The following ABTB2 variants were observed in gnomAD, a reference collection of about 807,000 sequenced individuals.
ABTB2 encodes the protein ankyrin repeat and BTB/POZ domain-containing protein 2.
In ABTB2, 56 loss-of-function variants were observed where a neutral mutation model predicts 104.1. The ratio of observed to expected loss-of-function variants is 0.54; its 90% CI spans 0.43 to 0.67. ABTB2 has a LOEUF of 0.67. Ranked by LOEUF, ABTB2 falls within the 30% of genes least tolerant of loss-of-function variation. The pLI, the probability that ABTB2 is intolerant of heterozygous loss-of-function variation, is 0.00. For missense variants in ABTB2, 1,279 were observed against 1,407.7 expected, an observed-to-expected ratio of 0.91 and a Z score of 1.46; for synonymous variants, 606 against 608.2, an observed-to-expected ratio of 1.00 and a Z score of 0.05.
intron 1 of ABTB2, among the ~76,000 whole-genome samples, chr11:34,224,423 G>A (rs555773862): frequency 3.9e-5 from 6 of 152,258 alleles, no homozygotes; most frequent in South Asian, 2.1e-4. Context: ...GATTACAGGC[G>A]TGGTGTACCC....
At chr11:34,317,565 G>A (rs991762432) in intron 1 of ABTB2, among the ~76,000 whole-genome samples, 7 of 151,974 alleles carry the variant, frequency 4.6e-5, no homozygotes, top group African/African-American at 1.7e-4. Flanking sequence ...TTCAGTATAG[G>A]AGTTCAAGAC....
At chr11:34,152,692 C>T (rs551709563) in intron 16 of ABTB2, 108 bp from the exon 17 acceptor site, 52 of 1,140,114 alleles carry the variant, frequency 4.6e-5, no homozygotes, top group Middle Eastern at 5.2e-4. Context: ...TTAAGCCCCA[C>T]TCTGGCCAGG....
intron 1 of ABTB2, among the ~76,000 whole-genome samples, chr11:34,328,320 A>C (rs1855093647): frequency 1.3e-5 from 2 of 152,186 alleles, no homozygotes; most frequent in South Asian, 4.1e-4. Context: ...CTGCAATGAC[A>C]GTCTCTATCC....
chr11:34,283,760 C>T (rs1854474030), intron 1 of ABTB2, among the ~76,000 whole-genome samples: 1 of 152,126 alleles, frequency 6.6e-6, no homozygotes. Context: ...CAAAATATTT[C>T]CCCAAGAATA....
intron 1 of ABTB2, among the ~76,000 whole-genome samples, chr11:34,272,582 CT>C (rs1854329592): frequency 6.6e-6 from 1 of 151,628 alleles, no homozygotes; most frequent in East Asian, 1.9e-4. Flanking sequence ...TGGCGGGCAC[CT>C]GTAGTCCCAG....
Position 34,357,642 on chromosome 11 carries a change from T to C in ABTB2, c.-59A>G. ...GGGGCACTCACAACTCCATGCCCTC[T>C]TTCCCAAGTGGGCAGAAACAAGCTC... On this transcript the variant is annotated 5_prime_UTR_variant, in exon 1 of 17. Coordinates refer to ENST00000435224, the MANE Select transcript of ABTB2 (RefSeq NM_145804.3). The C allele has an allele frequency of 1.4e-6, 2 of 1,433,670 alleles. No homozygotes were observed. The highest frequency in any genetic ancestry group is 1.8e-6 in the Non-Finnish European group (2 of 1,091,224). 88.8% of individuals were successfully genotyped at this position (1,433,670 alleles called of 1,614,324 possible).
In ABTB2 at chr11:34,230,171, T is replaced by C. The variant is rs548946370; in HGVS notation, c.884-25481A>G. ...GCAAACACACCCTACCTCTTTACAG[T>C]TCCCTGTGATGACTGCTGTGATCAG... On this transcript the variant is annotated intron_variant, in intron 1 of 16. Coordinates refer to ENST00000435224, the MANE Select transcript of ABTB2 (RefSeq NM_145804.3). 2.0e-5 allele frequency among the ~76,000 whole-genome samples: 3 copies of C among 152,322 alleles called. No individual in the cohort carries two copies. In the South Asian group the frequency reaches 6.2e-4, roughly 32 times the overall value.
At chr11:34,297,053 G>A (rs771972032) in intron 1 of ABTB2, among the ~76,000 whole-genome samples, 6 of 152,182 alleles carry the variant, frequency 3.9e-5, no homozygotes, top group Non-Finnish European at 7.3e-5. Flanking sequence ...TACATACAGT[G>A]TAGCCAGAAA....
intron 1 of ABTB2, among the ~76,000 whole-genome samples, chr11:34,235,044 G>A (rs1445843551): frequency 1.3e-5 from 2 of 151,994 alleles, no homozygotes; most frequent in Non-Finnish European, 2.9e-5. Context: ...TGTATTTTTA[G>A]TAGAGATGGG....
At chr11:34,218,905 AAGATG>A (rs1232126679) in intron 1 of ABTB2, among the ~76,000 whole-genome samples, 1 of 151,596 alleles carries the variant, frequency 6.6e-6, no homozygotes, top group East Asian at 1.9e-4. Context: ...TTCCTCTGTC[AAGATG>A]AGTTGACTAT....
chr11:34,333,032 G>C (rs1017642954), intron 1 of ABTB2, among the ~76,000 whole-genome samples: 2 of 152,170 alleles, frequency 1.3e-5, no homozygotes, highest in African/African-American at 4.8e-5. Flanking sequence ...TAAGCATCAA[G>C]GGTTTTACAA....
intron 1 of ABTB2, among the ~76,000 whole-genome samples, chr11:34,337,555 A>G (rs771696881): frequency 2.0e-5 from 3 of 152,234 alleles, no homozygotes; most frequent in African/African-American, 4.8e-5. Flanking sequence ...GAAGTCTGAC[A>G]GTACTAATCT....
At chr11:34,211,565 C>T (rs1209772755) in intron 1 of ABTB2, among the ~76,000 whole-genome samples, 1 of 151,942 alleles carries the variant, frequency 6.6e-6, no homozygotes, top group East Asian at 1.9e-4. Flanking sequence ...GAATATGCCC[C>T]AGGAGCTGTC....
At chr11:34,195,379 C>T (rs1853242150) in intron 3 of ABTB2, among the ~76,000 whole-genome samples, 1 of 152,190 alleles carries the variant, frequency 6.6e-6, no homozygotes, top group African/African-American at 2.4e-5. Context: ...ATGCTTTGGC[C>T]CCAGCTCCCG....
chr11:34,156,010 AG>A (rs1290801168), intron 14 of ABTB2, among the ~76,000 whole-genome samples: 1 of 152,196 alleles, frequency 6.6e-6, no homozygotes, highest in Non-Finnish European at 1.5e-5. Context: ...AGCACCAGGC[AG>A]GCAGGTCAGA....
At chr11:34,345,321 C>T (rs1261952695) in intron 1 of ABTB2, among the ~76,000 whole-genome samples, 1 of 152,170 alleles carries the variant, frequency 6.6e-6, no homozygotes, top group Non-Finnish European at 1.5e-5. Flanking sequence ...CTTCTCCAGC[C>T]AGGCTGGCCT....
intron 3 of ABTB2, among the ~76,000 whole-genome samples, chr11:34,181,319 A>G (rs927243329): frequency 2.0e-5 from 3 of 152,216 alleles, no homozygotes; most frequent in African/African-American, 7.2e-5. Context: ...TTACAGTCCT[A>G]TAAGTGGTGT....
intron 1 of ABTB2, among the ~76,000 whole-genome samples, chr11:34,319,557 A>AGACCT (rs1854976971): frequency 6.6e-6 from 1 of 152,252 alleles, no homozygotes; most frequent in Admixed American, 6.5e-5. Context: ...GGAGTCAGCC[A>AGACCT]GACCTGAGCG....
chr11:34,272,302 CAA>C (rs60997940), intron 1 of ABTB2, among the ~76,000 whole-genome samples: 327 of 80,748 alleles, frequency 4.0e-3, no homozygotes, highest in African/African-American at 0.011. Flanking sequence ...CAGGAAGCTG[CAA>C]AAAAAAAAAA....
Sources: allele counts gnomAD v4.1 joint callset (sites outside exome capture counted in the v4.1 genomes callset), GRCh38; gene constraint gnomAD v4.1.1; transcripts MANE v1.5; gene names NCBI Gene and HGNC (gene_info 2026-07-23, HGNC 2026-07-21).